Variants in LIPM observed in about 807,000 individuals in gnomAD.
LIPM encodes lipase family member M, also known as lipase member M.
Under a neutral mutation model 42.4 loss-of-function variants are expected in LIPM, and 42 were observed. The observed-to-expected ratio is 0.99, with a 90% CI of 0.77 to 1.28. The LOEUF (loss-of-function observed/expected upper bound fraction) is 1.28. LIPM is among the 50% of genes most tolerant of loss of function. The probability of loss-of-function intolerance (pLI) is 0.00; values close to 1 mark genes in which losing one functional copy is unlikely to be tolerated. For missense variants in LIPM, 524 were observed against 520.1 expected (o/e 1.01, Z -0.07); for synonymous variants, 177 against 173.3 (o/e 1.02, Z -0.17).
At chr10:88,808,937 T>C (rs1038804852) in intron 2 of LIPM, among the ~76,000 whole-genome samples, 4 of 147,528 alleles carry the variant, frequency 2.7e-5, no homozygotes, top group Non-Finnish European at 6.1e-5. Context: ...TTTTATTTTA[T>C]TTTATTTTAT....
intron 3 of LIPM, 69 bp from the exon 4 acceptor site, chr10:88,814,461 G>A: frequency 9.7e-7 from 1 of 1,031,762 alleles, no homozygotes. Flanking sequence ...TGTAAACCTG[G>A]TGTCGGGGGG....
chr10:88,808,499 T>TG lies in LIPM; in HGVS notation c.265+87dup, dbSNP rs533022664. The TG allele has an allele frequency of 4.4e-5, 37 of 834,290 alleles. 1 individual carries two copies. In the East Asian group the frequency reaches 9.1e-4, roughly 21 times the overall value. The allele number at this position is 834,290 out of a possible 1,614,324, so 51.7% of individuals were successfully genotyped here. On this transcript the variant is annotated intron_variant, in intron 2 of 8. Coordinates refer to ENST00000404743, the MANE Select transcript of LIPM (RefSeq NM_001128215.1). ...TGTGATTTGAATGTAGAAGAGAGCC[T>TG]GGGTTCTTAGTGCAGAGTGAGGTCC...
At chr10:88,814,503 A>G (rs906875298) in intron 3 of LIPM, 27 bp from the exon 4 acceptor site, 5 of 1,457,708 alleles carry the variant, frequency 3.4e-6, no homozygotes, top group African/African-American at 1.4e-5. Flanking sequence ...ATAATTTTTC[A>G]TATAACTTTG....
intron 7 of LIPM, 143 bp downstream of exon 7, chr10:88,817,030 G>A (rs1843726129): frequency 1.5e-6 from 1 of 682,088 alleles, no homozygotes. Flanking sequence ...CTATTTTGAT[G>A]GAGAATTTGA....
intron 6 of LIPM, among the ~76,000 whole-genome samples, chr10:88,816,401 A>G (rs1461622813): frequency 6.6e-6 from 1 of 152,178 alleles, no homozygotes. Flanking sequence ...CTAATTTATT[A>G]CCTATACCAA....
chr10:88,813,210 G>T lies in LIPM; in HGVS notation c.379G>T (p.Val127Leu). The T allele has an allele frequency of 6.2e-7, 1 of 1,613,772 alleles. No homozygotes were observed. Among genetic ancestry groups the T allele is most frequent in the Non-Finnish European group, 8.5e-7 (1 of 1,179,838 alleles). Residue 127 changes from valine (V) to leucine (L), a missense_variant, in exon 3 of 9, where the codon GTG becomes TTG. Transcript: ENST00000404743. The part of the protein sequence containing the change: ...GFILADAGFD[V>L]WMGNSRGNAW... ...CATTCTGGCAGATGCTGGTTTTGAC[G>T]TGTGGATGGGGAACAGCAGGGGAAA... is the stretch of plus-strand genomic sequence containing the variant.
At chr10:88,815,284 T>C (rs2077825523) in intron 5 of LIPM, 60 bp downstream of exon 5, 1 of 1,547,368 alleles carries the variant, frequency 6.5e-7, no homozygotes, top group Non-Finnish European at 8.7e-7. Context: ...CCCAATTTCC[T>C]AAAACATAAA....
chr10:88,819,407 A>T (rs893519000), intron 8 of LIPM, among the ~76,000 whole-genome samples: 2 of 152,204 alleles, frequency 1.3e-5, no homozygotes, highest in Admixed American at 1.3e-4. Flanking sequence ...AGAATTTTTC[A>T]ACCTTCCTTA....
In LIPM at chr10:88,802,900, T is replaced by A; in HGVS notation, c.4T>A (p.Leu2Met). Residue 2 changes from leucine to methionine, a missense_variant, in exon 1 of 9, where the codon TTG becomes ATG. Coordinates refer to ENST00000404743, the MANE Select transcript of LIPM (RefSeq NM_001128215.1). M[L>M]ETLSRQWIVS... ...AAATAAATGCAGATGTTGGACCATG[T>A]TGGAAACCTTGTCAAGACAGTGGAT... 6.5e-7 allele frequency: 1 copy of A among 1,543,490 alleles called. No homozygotes were observed. The highest frequency in any genetic ancestry group is 1.2e-5 in the South Asian group (1 of 82,214).
At chr10:88,815,564 A>C in intron 6 of LIPM, 61 bp downstream of exon 6, 1 of 1,427,708 alleles carries the variant, frequency 7.0e-7, no homozygotes, top group East Asian at 2.5e-5. Context: ...CATATGGCTC[A>C]CCCCTGGAGG....
chr10:88,805,503 A>T (rs556122639), intron 1 of LIPM, among the ~76,000 whole-genome samples: 32 of 152,340 alleles, frequency 2.1e-4, no homozygotes, highest in Middle Eastern at 3.4e-3. Context: ...TAGAAAATTT[A>T]AAAAATACAA....
In LIPM at chr10:88,802,764, C is replaced by T; in HGVS notation, c.-133C>T. Reference sequence around the variant, plus strand: ...GTTCTTTCCCTACCAACTAAGCTTGCCTAATTTGCTTCAGAATTGGAAGAG... The same window carrying T: ...GTTCTTTCCCTACCAACTAAGCTTGTCTAATTTGCTTCAGAATTGGAAGAG... On this transcript the variant is annotated 5_prime_UTR_variant, in exon 1 of 9. Coordinates refer to ENST00000404743, the MANE Select transcript of LIPM (RefSeq NM_001128215.1). The T allele has an allele frequency of 1.1e-6, 1 of 891,398 alleles. No individual in the cohort carries two copies. The highest frequency in any genetic ancestry group is 1.7e-6 in the Non-Finnish European group (1 of 593,048). 55.2% of individuals were successfully genotyped at this position (891,398 alleles called of 1,614,324 possible).
chr10:88,810,693 T>A (rs1283590062), intron 2 of LIPM, among the ~76,000 whole-genome samples: 2 of 152,214 alleles, frequency 1.3e-5, no homozygotes, highest in African/African-American at 2.4e-5. Flanking sequence ...AAATGACAGC[T>A]GTGTAAGTGT....
intron 1 of LIPM, among the ~76,000 whole-genome samples, chr10:88,803,698 T>C (rs568607846): frequency 6.7e-6 from 1 of 149,746 alleles, no homozygotes; most frequent in Admixed American, 6.7e-5. Flanking sequence ...GTAACACTTA[T>C]CCCATAGCAG....
rs771408106 is a variant in LIPM, at chr10:88,810,641, G to C, written c.265+2226G>C. The stretch of plus-strand genomic sequence containing the variant: ...TTATCTTTATCAAAGAATCTTAGTT[G>C]GCTTCAATATCAAGAGAGAAAATAG... On this transcript the variant is annotated intron_variant, in intron 2 of 8. Transcript: ENST00000404743. 5.6e-4 allele frequency among the ~76,000 whole-genome samples: 85 copies of C among 152,058 alleles called. 2 individuals carry two copies. Among genetic ancestry groups the C allele is most frequent in the Non-Finnish European group, 8.8e-5 (6 of 68,018 alleles).
At chr10:88,808,135 C>T (rs955018199) in intron 1 of LIPM, among the ~76,000 whole-genome samples, 163 bp from the exon 2 acceptor site, 3 of 152,070 alleles carry the variant, frequency 2.0e-5, no homozygotes, top group Non-Finnish European at 4.4e-5. Context: ...AAAGTAAGGA[C>T]TAGAGAGGGT....
intron 2 of LIPM, among the ~76,000 whole-genome samples, chr10:88,812,430 T>A (rs943579210): frequency 1.3e-5 from 2 of 152,338 alleles, no homozygotes; most frequent in South Asian, 2.1e-4. Flanking sequence ...ATAATTTCAA[T>A]CTTTCTGAAT....
intron 2 of LIPM, among the ~76,000 whole-genome samples, chr10:88,810,990 C>T (rs1353664171): frequency 6.6e-6 from 1 of 152,172 alleles, no homozygotes; most frequent in Non-Finnish European, 1.5e-5. Context: ...TCTAAAATAA[C>T]ACTGAGTTCC....
chr10:88,811,860 A>G (rs1026232314), intron 2 of LIPM, among the ~76,000 whole-genome samples: 10 of 152,232 alleles, frequency 6.6e-5, no homozygotes, highest in Non-Finnish European at 1.2e-4. Context: ...TAAGAACAAG[A>G]GTATTCTCTT....
Sources: gnomAD v4.1 joint callset for allele counts (sites outside exome capture counted in the v4.1 genomes callset) on GRCh38, gnomAD v4.1.1 for gene constraint, MANE v1.5 for transcripts, NCBI Gene and HGNC (gene_info 2026-07-23, HGNC 2026-07-21) for gene names.